Variants in CSMD1 observed in about 807,000 individuals in gnomAD.
CSMD1 encodes CUB and Sushi multiple domains 1, also known as CUB and sushi domain-containing protein 1.
Under a neutral mutation model 417.5 loss-of-function variants are expected in CSMD1, and 213 were observed. That is an observed-to-expected ratio of 0.51 (90% CI 0.46 to 0.57). The LOEUF is 0.57. Ranked by LOEUF, CSMD1 falls within the 20% of genes least tolerant of loss-of-function variation. The probability of loss-of-function intolerance (pLI) is 0.00; values close to 1 mark genes in which losing one functional copy is unlikely to be tolerated. For missense variants in CSMD1, 6,923 were observed against 4,529.7 expected (o/e 1.53, Z -15.17); for synonymous variants, 2,862 against 1,736.8 (o/e 1.65, Z -16.11).
intron 5 of CSMD1, among the ~76,000 whole-genome samples, chr8:3,782,671 G>C (rs1055219632): frequency 1.3e-5 from 2 of 152,170 alleles, no homozygotes; most frequent in Non-Finnish European, 2.9e-5. Flanking sequence ...TATTCTCAGA[G>C]TCAACAATGT....
chr8:3,297,523 T>A (rs1804055799), intron 25 of CSMD1, among the ~76,000 whole-genome samples: 1 of 152,158 alleles, frequency 6.6e-6, no homozygotes, highest in Non-Finnish European at 1.5e-5. Flanking sequence ...TAGATCTAGT[T>A]GTCTCGTTAA....
intron 7 of CSMD1, among the ~76,000 whole-genome samples, chr8:3,671,673 G>A (rs1277634645): frequency 1.3e-5 from 2 of 149,478 alleles, no homozygotes; most frequent in Admixed American, 6.7e-5. Context: ...TTGCTTTAAG[G>A]TGCTGTGAGC....
intron 8 of CSMD1, among the ~76,000 whole-genome samples, chr8:3,588,626 T>A (rs750787495): frequency 9.2e-5 from 14 of 152,084 alleles, no homozygotes; most frequent in African/African-American, 2.4e-4. Context: ...ATCCAACCAA[T>A]ATTCCTTTAC....
chr8:3,852,822 G>T (rs1355483912), intron 5 of CSMD1, among the ~76,000 whole-genome samples: 1 of 152,066 alleles, frequency 6.6e-6, no homozygotes. Flanking sequence ...ACAATTCTCC[G>T]CTTTCTGTAA....
At chr8:4,869,552 G>C (rs1304352655) in intron 1 of CSMD1, among the ~76,000 whole-genome samples, 1 of 151,922 alleles carries the variant, frequency 6.6e-6, no homozygotes, top group Admixed American at 6.6e-5. Context: ...TTTACTGCAT[G>C]GCTGTTATGA....
chr8:4,460,776 G>C (rs1563200156), intron 2 of CSMD1, among the ~76,000 whole-genome samples: 1 of 152,128 alleles, frequency 6.6e-6, no homozygotes, highest in Non-Finnish European at 1.5e-5. Context: ...AGTAAAGGTA[G>C]TAATTTTAAA....
chr8:3,423,308 C>G (rs1372516249), intron 12 of CSMD1, among the ~76,000 whole-genome samples: 1 of 152,138 alleles, frequency 6.6e-6, no homozygotes, highest in Non-Finnish European at 1.5e-5. Flanking sequence ...CCACAATTTC[C>G]TCCATATCCA....
chr8:4,545,751 A>G (rs1192185751), intron 2 of CSMD1, among the ~76,000 whole-genome samples: 2 of 152,174 alleles, frequency 1.3e-5, no homozygotes, highest in Non-Finnish European at 2.9e-5. Context: ...GCATCCATGG[A>G]AAAACGCATC....
chr8:3,794,631 C>T (rs1799939171), intron 5 of CSMD1, among the ~76,000 whole-genome samples: 1 of 151,720 alleles, frequency 6.6e-6, no homozygotes, highest in East Asian at 1.9e-4. Flanking sequence ...TTTTAATTTG[C>T]TAAACACATG....
At chr8:3,966,647 G>A (rs934780770) in intron 5 of CSMD1, among the ~76,000 whole-genome samples, 1 of 151,980 alleles carries the variant, frequency 6.6e-6, no homozygotes, top group Non-Finnish European at 1.5e-5. Flanking sequence ...AGGTCTTTGA[G>A]GGCAAAGACC....
intron 3 of CSMD1, among the ~76,000 whole-genome samples, chr8:4,045,851 G>A (rs954749244): frequency 5.3e-5 from 8 of 151,896 alleles, no homozygotes; most frequent in African/African-American, 1.7e-4. Flanking sequence ...TTCAGACTCT[G>A]GCACTGCATT....
intron 5 of CSMD1, among the ~76,000 whole-genome samples, chr8:3,790,591 G>T (rs890553770): frequency 7.9e-5 from 12 of 152,002 alleles, no homozygotes; most frequent in African/African-American, 2.7e-4. Flanking sequence ...TATGTTTTTG[G>T]CATACACAAC....
chr8:3,300,296 GCT>G (rs1804289325), intron 25 of CSMD1, among the ~76,000 whole-genome samples: 3 of 151,824 alleles, frequency 2.0e-5, no homozygotes, highest in Admixed American at 2.0e-4. Context: ...ATTTTAAAAA[GCT>G]ATATCACCTT....
intron 3 of CSMD1, among the ~76,000 whole-genome samples, chr8:4,191,214 G>T (rs1046978586): frequency 6.6e-6 from 1 of 152,146 alleles, no homozygotes; most frequent in African/African-American, 2.4e-5. Flanking sequence ...GGCTAACATG[G>T]TGAAACCCCA....
At chr8:4,189,956 T>C (rs959311781) in intron 3 of CSMD1, among the ~76,000 whole-genome samples, 4 of 151,762 alleles carry the variant, frequency 2.6e-5, no homozygotes, top group African/African-American at 9.7e-5. Context: ...GAGCATAGTG[T>C]AGTGCTTAAA....
At chr8:4,029,351 T>A (rs1797224430) in intron 4 of CSMD1, among the ~76,000 whole-genome samples, 1 of 151,982 alleles carries the variant, frequency 6.6e-6, no homozygotes, top group Non-Finnish European at 1.5e-5. Flanking sequence ...AAAAGAGAGG[T>A]TTGATGGACA....
chr8:4,731,344 G>A (rs1809852974), intron 1 of CSMD1, among the ~76,000 whole-genome samples: 1 of 152,050 alleles, frequency 6.6e-6, no homozygotes, highest in African/African-American at 2.4e-5. Flanking sequence ...AAGCTTACCG[G>A]CCATTCAGGG....
chr8:3,727,984 G>A (rs1295301913), intron 6 of CSMD1, among the ~76,000 whole-genome samples: 3 of 152,138 alleles, frequency 2.0e-5, no homozygotes, highest in Admixed American at 6.5e-5. Flanking sequence ...TTTCAGTTTT[G>A]GAAATGCATG....
chr8:4,230,732 C>T (rs570671433), intron 3 of CSMD1, among the ~76,000 whole-genome samples: 3 of 151,960 alleles, frequency 2.0e-5, no homozygotes, highest in Non-Finnish European at 2.9e-5. Context: ...AATATAAAAC[C>T]GATTACAAGC....
Sources: allele counts gnomAD v4.1 joint callset (sites outside exome capture counted in the v4.1 genomes callset), GRCh38; gene constraint gnomAD v4.1.1; transcripts MANE v1.5; gene names NCBI Gene and HGNC (gene_info 2026-07-23, HGNC 2026-07-21).